Variants in GALNT17 observed in about 807,000 individuals in gnomAD.
The protein encoded by GALNT17 is UDP-GalNAc:polypeptide N-acetylgalactosaminyltransferase-like 3.
Under a neutral mutation model 63.7 loss-of-function variants are expected in GALNT17, and 29 were observed. That is an observed-to-expected ratio of 0.46 (90% confidence interval 0.34 to 0.62). The LOEUF is 0.62. Among genes scored for constraint, GALNT17 ranks in the 20% least tolerant of loss-of-function variants. The pLI, the probability that GALNT17 is intolerant of heterozygous loss-of-function variation, is 0.01. For missense variants in GALNT17, 603 were observed against 799.6 expected (o/e 0.75, Z 2.97); for synonymous variants, 305 against 318.3 (o/e 0.96, Z 0.45).
At chr7:71,208,027 C>A (rs28435760) in intron 1 of GALNT17, among the ~76,000 whole-genome samples, 26,379 of 151,444 alleles carry the variant, frequency 0.17, 3,486 homozygotes, top group African/African-American at 0.37. Flanking sequence ...CTCGACCCCC[C>A]TGGGCGCAAG....
chr7:71,618,632 A>G (rs1790251120), intron 6 of GALNT17, among the ~76,000 whole-genome samples: 1 of 152,106 alleles, frequency 6.6e-6, no homozygotes, highest in South Asian at 2.1e-4. Flanking sequence ...GTGTCTGGTC[A>G]TGTCCCTTGC....
intron 5 of GALNT17, among the ~76,000 whole-genome samples, chr7:71,545,655 T>A (rs1788971043): frequency 6.6e-6 from 1 of 152,138 alleles, no homozygotes; most frequent in Non-Finnish European, 1.5e-5. Flanking sequence ...GCCAGCCTGA[T>A]TTTTACTCAT....
intron 6 of GALNT17, among the ~76,000 whole-genome samples, chr7:71,601,934 C>G (rs1584082320): frequency 6.6e-6 from 1 of 152,208 alleles, no homozygotes; most frequent in Admixed American, 6.5e-5. Context: ...CTCCTGGTGC[C>G]TTTGTGCGGA....
At chr7:71,488,742 G>T (rs529924702) in intron 5 of GALNT17, among the ~76,000 whole-genome samples, 5 of 150,888 alleles carry the variant, frequency 3.3e-5, no homozygotes, top group African/African-American at 4.9e-5. Flanking sequence ...ACCACACCCC[G>T]CTAATTTTTT....
At chr7:71,230,947 G>C (rs1342842803) in intron 1 of GALNT17, among the ~76,000 whole-genome samples, 1 of 152,066 alleles carries the variant, frequency 6.6e-6, no homozygotes, top group Admixed American at 6.6e-5. Context: ...AAACTGTAGC[G>C]TGAGGACCAG....
chr7:71,540,771 C>G (rs1034009627), intron 5 of GALNT17, among the ~76,000 whole-genome samples: 1 of 152,148 alleles, frequency 6.6e-6, no homozygotes, highest in African/African-American at 2.4e-5. Flanking sequence ...CAAGCCAGAG[C>G]AGGAGATTCA....
intron 5 of GALNT17, among the ~76,000 whole-genome samples, chr7:71,434,770 A>G (rs953874886): frequency 6.6e-6 from 1 of 152,224 alleles, no homozygotes; most frequent in Non-Finnish European, 1.5e-5. Flanking sequence ...TTGGTCCCTT[A>G]GATGAAAAGC....
intron 2 of GALNT17, among the ~76,000 whole-genome samples, chr7:71,372,092 C>T (rs944309000): frequency 1.1e-4 from 16 of 152,296 alleles, no homozygotes; most frequent in Middle Eastern, 3.4e-3. Context: ...GTGATCTTCC[C>T]GCGGCAGCTT....
intron 5 of GALNT17, among the ~76,000 whole-genome samples, chr7:71,425,759 G>A (rs1224347661): frequency 6.6e-6 from 1 of 152,090 alleles, no homozygotes; most frequent in African/African-American, 2.4e-5. Flanking sequence ...GGGCACCTGT[G>A]GTATGTATTG....
At chr7:71,189,843 T>C (rs1788917707) in intron 1 of GALNT17, among the ~76,000 whole-genome samples, 1 of 151,272 alleles carries the variant, frequency 6.6e-6, no homozygotes, top group South Asian at 2.1e-4. Context: ...AGAGTTTCAT[T>C]CTTGTTGCCC....
At chr7:71,525,155 CT>C (rs1164719914) in intron 5 of GALNT17, among the ~76,000 whole-genome samples, 2 of 151,994 alleles carry the variant, frequency 1.3e-5, no homozygotes, top group Non-Finnish European at 2.9e-5. Flanking sequence ...AGTTCTATTA[CT>C]TTTGTGTGTG....
At chr7:71,670,142 A>T (rs996582534) in intron 8 of GALNT17, 33 bp downstream of exon 8, 1 of 1,613,536 alleles carries the variant, frequency 6.2e-7, no homozygotes, top group Non-Finnish European at 8.5e-7. Context: ...TTGGCTTGGA[A>T]TGCTGTTCAA....
chr7:71,658,583 A>G (rs1483885746), intron 6 of GALNT17, among the ~76,000 whole-genome samples: 3 of 152,008 alleles, frequency 2.0e-5, no homozygotes, highest in Non-Finnish European at 4.4e-5. Context: ...ATTGTTGATG[A>G]TTTTGCCTAT....
At chr7:71,288,266 G>C (rs1242205082) in intron 1 of GALNT17, among the ~76,000 whole-genome samples, 1 of 149,636 alleles carries the variant, frequency 6.7e-6, no homozygotes, top group Non-Finnish European at 1.5e-5. Context: ...TCCATGTGCT[G>C]TTCATTAAAT....
At chr7:71,409,017 A>AAC (rs10674037) in intron 3 of GALNT17, among the ~76,000 whole-genome samples, 21,763 of 144,784 alleles carry the variant, frequency 0.15, 1,596 homozygotes, top group East Asian at 0.26. Flanking sequence ...CACATACACA[A>AAC]ACACACACAC....
At chr7:71,231,424 C>T (rs1583781995) in intron 1 of GALNT17, among the ~76,000 whole-genome samples, 1 of 152,076 alleles carries the variant, frequency 6.6e-6, no homozygotes, top group East Asian at 1.9e-4. Context: ...GCAAACTGCA[C>T]CTGGAGAAGT....
chr7:71,270,257 C>G (rs982674881), intron 1 of GALNT17, among the ~76,000 whole-genome samples: 1 of 152,092 alleles, frequency 6.6e-6, no homozygotes, highest in Non-Finnish European at 1.5e-5. Flanking sequence ...CACTCTCCCC[C>G]CTTGTATCTC....
chr7:71,431,982 C>G (rs1013793716), intron 5 of GALNT17, among the ~76,000 whole-genome samples: 3 of 152,116 alleles, frequency 2.0e-5, no homozygotes, highest in Admixed American at 1.3e-4. Context: ...CAAGACCAGC[C>G]TGCCCAACAT....
intron 6 of GALNT17, among the ~76,000 whole-genome samples, chr7:71,631,746 C>A (rs1298152037): frequency 6.6e-6 from 1 of 151,970 alleles, no homozygotes; most frequent in African/African-American, 2.4e-5. Flanking sequence ...AGAATGGGAG[C>A]CATGGGAGGG....
Sources: gnomAD v4.1 joint callset for allele counts (sites outside exome capture counted in the v4.1 genomes callset) on GRCh38, gnomAD v4.1.1 for gene constraint, MANE v1.5 for transcripts, NCBI Gene and HGNC (gene_info 2026-07-23, HGNC 2026-07-21) for gene names.